Variants in LMNTD1 observed in about 807,000 individuals in gnomAD.
LMNTD1 encodes the protein lamin tail domain containing 1.
LMNTD1 carries 35 observed loss-of-function variants against 50.9 expected under a neutral mutation model. The observed-to-expected ratio is 0.69, with a 90% CI of 0.53 to 0.91. The LOEUF (loss-of-function observed/expected upper bound fraction) is 0.91. Among genes scored for constraint, LMNTD1 ranks in the 40% least tolerant of loss-of-function variants. The pLI is 0.00. For synonymous variants in LMNTD1, 153 were observed against 161.9 expected (o/e 0.94, Z 0.42); for missense variants, 470 against 475.5 (o/e 0.99, Z 0.11).
intron 9 of LMNTD1, among the ~76,000 whole-genome samples, chr12:25,489,784 G>T (rs1938825288): frequency 6.6e-6 from 1 of 152,144 alleles, no homozygotes; most frequent in Non-Finnish European, 1.5e-5. Flanking sequence ...GACGATTCAG[G>T]ATATAAGGAT....
intron 1 of LMNTD1, among the ~76,000 whole-genome samples, chr12:25,584,408 C>A (rs1196390707): frequency 6.6e-6 from 1 of 152,180 alleles, no homozygotes; most frequent in Non-Finnish European, 1.5e-5. Context: ...GGCACATCAG[C>A]TCCTACACAT....
chr12:25,583,188 A>ATTTTT (rs10699058), intron 1 of LMNTD1, among the ~76,000 whole-genome samples: 92,855 of 139,014 alleles, frequency 0.67, 32,138 homozygotes, highest in Middle Eastern at 0.76. Flanking sequence ...CGCCTGGCTA[A>ATTTTT]TTTTTTTTTT....
chr12:25,548,039 A>G (rs1943533734), intron 3 of LMNTD1, among the ~76,000 whole-genome samples: 1 of 151,820 alleles, frequency 6.6e-6, no homozygotes, highest in African/African-American at 2.4e-5. Flanking sequence ...ATAATGATGA[A>G]TGATAGAAAA....
intron 8 of LMNTD1, among the ~76,000 whole-genome samples, chr12:25,509,981 T>C (rs989270977): frequency 9.9e-5 from 15 of 152,196 alleles, no homozygotes; most frequent in Admixed American, 7.2e-4. Flanking sequence ...TTTTAAGACA[T>C]CAAGTTTGTG....
Position 25,525,799 on chromosome 12 carries a change from C to T in LMNTD1, c.798+300G>A, listed in dbSNP as rs1310380587. ...TCAGGCAACAAGTGGATAAAGAAAA[C>T]GTGGTATATACGTACCATGGAATAC... On this transcript the variant is annotated intron_variant, in intron 6 of 9. Transcript: ENST00000458174. Among the ~76,000 whole-genome samples the T allele has an allele frequency of 2.6e-5, 4 of 151,962 alleles. No individual in the cohort carries two copies. The East Asian group carries it at 5.8e-4, about 22-fold the overall frequency.
intron 1 of LMNTD1, among the ~76,000 whole-genome samples, chr12:25,581,324 T>C (rs527630761): frequency 1.3e-5 from 2 of 152,334 alleles, no homozygotes; most frequent in Non-Finnish European, 2.9e-5. Flanking sequence ...TCATTTTCAA[T>C]GGAGGCATCT....
At chr12:25,582,715 A>G (rs1336072133) in intron 1 of LMNTD1, among the ~76,000 whole-genome samples, 1 of 152,246 alleles carries the variant, frequency 6.6e-6, no homozygotes, top group Non-Finnish European at 1.5e-5. Flanking sequence ...TTTGATTTTC[A>G]TAATCATTTT....
intron 8 of LMNTD1, among the ~76,000 whole-genome samples, chr12:25,504,379 G>A (rs1939586015): frequency 6.6e-6 from 1 of 152,152 alleles, no homozygotes; most frequent in Non-Finnish European, 1.5e-5. Flanking sequence ...ACTTAAGCAG[G>A]AATTGAAAGT....
chr12:25,568,286 G>A (rs150011778), intron 1 of LMNTD1, among the ~76,000 whole-genome samples: 37 of 152,322 alleles, frequency 2.4e-4, no homozygotes, highest in Admixed American at 5.9e-4. Flanking sequence ...GTAGCAAAAC[G>A]GTCAATATGT....
intron 1 of LMNTD1, among the ~76,000 whole-genome samples, chr12:25,636,114 G>A (rs1162516170): frequency 2.0e-5 from 3 of 151,950 alleles, no homozygotes; most frequent in Non-Finnish European, 4.4e-5. Flanking sequence ...CAAACACAAT[G>A]AAAACAAAGA....
chr12:25,607,891 T>C (rs1946149899), intron 1 of LMNTD1, among the ~76,000 whole-genome samples: 1 of 152,196 alleles, frequency 6.6e-6, no homozygotes, highest in Non-Finnish European at 1.5e-5. Flanking sequence ...GATATCCTTG[T>C]TAACTTTCTG....
At chr12:25,621,023 A>T (rs1043782227) in intron 1 of LMNTD1, among the ~76,000 whole-genome samples, 1 of 152,208 alleles carries the variant, frequency 6.6e-6, no homozygotes, top group African/African-American at 2.4e-5. Flanking sequence ...AACTGACATC[A>T]GACACTGGGC....
rs1346758918 is a variant in LMNTD1, at chr12:25,486,716, G to A, written c.*23-10256C>T. On this transcript the variant is annotated intron_variant, in intron 9 of 9. Transcript: ENST00000458174. ...TTTATTGAGAGTTTTTAGCATGAAG[G>A]GTTGTTGAATTTTGTCAAAGGCTTT... Among the ~76,000 whole-genome samples, 4 of 149,874 alleles carry A rather than the reference G, an allele frequency of 2.7e-5. No individual in the cohort carries two copies. In the South Asian group the frequency reaches 8.7e-4, roughly 33 times the overall value.
intron 1 of LMNTD1, among the ~76,000 whole-genome samples, chr12:25,604,242 T>C (rs1299123808): frequency 6.6e-6 from 1 of 152,264 alleles, no homozygotes; most frequent in Non-Finnish European, 1.5e-5. Flanking sequence ...CTACCACTTA[T>C]GGCCACATGG....
chr12:25,626,313 T>C lies in LMNTD1; in HGVS notation c.58+22181A>G, dbSNP rs1289041687. ...CAGACCTGAATATTCATGATATCTC[T>C]ATTTTGTTGTATGTGTGTATATATA... is the stretch of plus-strand genomic sequence containing the variant. On this transcript the variant is annotated intron_variant, in intron 1 of 7. Transcript: ENST00000445693. Among the ~76,000 whole-genome samples the C allele has an allele frequency of 3.3e-5, 5 of 151,026 alleles. No homozygotes were observed. In the East Asian group the frequency reaches 5.9e-4, roughly 18 times the overall value.
At chr12:25,601,746 C>T (rs992575828) in intron 1 of LMNTD1, among the ~76,000 whole-genome samples, 1 of 151,792 alleles carries the variant, frequency 6.6e-6, no homozygotes, top group Admixed American at 6.6e-5. Flanking sequence ...TTCACAATTG[C>T]TGCAAAATAA....
At chr12:25,587,368 G>T (rs910169624) in intron 1 of LMNTD1, among the ~76,000 whole-genome samples, 1 of 152,230 alleles carries the variant, frequency 6.6e-6, no homozygotes, top group African/African-American at 2.4e-5. Flanking sequence ...GCCAGTATCT[G>T]CTCTGCTTCC....
intron 8 of LMNTD1, among the ~76,000 whole-genome samples, chr12:25,516,880 A>C (rs1940822122): frequency 6.6e-6 from 1 of 151,782 alleles, no homozygotes; most frequent in Non-Finnish European, 1.5e-5. Flanking sequence ...AAACAATGCC[A>C]TCAAAAAGTG....
At chr12:25,529,379 C>G (rs1942058901) in intron 4 of LMNTD1, among the ~76,000 whole-genome samples, 1 of 152,160 alleles carries the variant, frequency 6.6e-6, no homozygotes, top group Non-Finnish European at 1.5e-5. Flanking sequence ...TTCGGATCCA[C>G]AGAAACAACT....
Sources: gnomAD v4.1 joint callset for allele counts (sites outside exome capture counted in the v4.1 genomes callset) on GRCh38, gnomAD v4.1.1 for gene constraint, MANE v1.5 for transcripts, NCBI Gene and HGNC (gene_info 2026-07-23, HGNC 2026-07-21) for gene names.